Variants in TXNDC16 observed in about 807,000 individuals in gnomAD.
TXNDC16 encodes the protein thioredoxin domain containing 16.
A neutral mutation model predicts 85.6 loss-of-function variants in TXNDC16; 74 were observed. That is an observed-to-expected ratio of 0.86 (90% CI 0.72 to 1.05). The LOEUF is 1.05. Ranked by LOEUF, TXNDC16 falls within the 50% of genes least tolerant of loss-of-function variation. The pLI is 0.00. For synonymous variants in TXNDC16, 335 were observed against 326.5 expected (o/e 1.03, Z -0.28); for missense variants, 959 against 947.0 (o/e 1.01, Z -0.17).
rs116041697 is a variant in TXNDC16, at chr14:52,518,293, A to G, written c.514+879T>C. The stretch of plus-strand genomic sequence containing the variant: ...ATACTCCCAACATGAAATGCAGTCT[A>G]GTAATACCCAACTACCATACTCATA... On this transcript the variant is annotated intron_variant, in intron 7 of 20. Transcript: ENST00000281741. 3.3e-3 allele frequency among the ~76,000 whole-genome samples: 504 copies of G among 152,336 alleles called. 2 individuals are homozygous for G. Among genetic ancestry groups the G allele is most frequent in the African/African-American group, 0.011 (475 of 41,560 alleles).
In TXNDC16 at chr14:52,432,602, C is replaced by T. The variant is rs2034930203; in HGVS notation, c.2195-15G>A. The T allele has an allele frequency of 6.3e-7, 1 of 1,588,300 alleles. No homozygotes were observed. Among genetic ancestry groups the T allele is most frequent in the African/African-American group, 1.4e-5 (1 of 73,666 alleles). ...AGGTAAAATTGCTGGAAGGAAGAAA[C>T]AATCAAAGGTTAAAGATTAACAGCT... On this transcript the variant is annotated splice_polypyrimidine_tract_variant and intron_variant, in intron 20 of 20. Coordinates refer to ENST00000281741, the MANE Select transcript of TXNDC16 (RefSeq NM_020784.3).
intron 6 of TXNDC16, among the ~76,000 whole-genome samples, chr14:52,525,457 C>T (rs1033548102): frequency 4.7e-5 from 7 of 150,522 alleles, no homozygotes; most frequent in African/African-American, 1.7e-4. Context: ...TTTAGGAGGC[C>T]GAGGTGGGCG....
intron 13 of TXNDC16, 141 bp from the exon 14 acceptor site, chr14:52,482,430 T>A: frequency 1.4e-6 from 1 of 712,490 alleles, no homozygotes; most frequent in East Asian, 2.8e-5. Flanking sequence ...TTTCTCAACA[T>A]AGTCCAACCA....
intron 4 of TXNDC16, among the ~76,000 whole-genome samples, 172 bp from the exon 5 acceptor site, chr14:52,537,844 T>C (rs2037738956): frequency 6.6e-6 from 1 of 152,218 alleles, no homozygotes; most frequent in Non-Finnish European, 1.5e-5. Context: ...GTGCATGAGA[T>C]AACCCAAAGA....
chr14:52,465,062 T>C (rs1017090958), intron 16 of TXNDC16, among the ~76,000 whole-genome samples: 4 of 152,234 alleles, frequency 2.6e-5, no homozygotes, highest in Non-Finnish European at 5.9e-5. Context: ...TCGTTTTTAC[T>C]TTTTACAATT....
chr14:52,509,815 A>G (rs1462028884), intron 9 of TXNDC16, among the ~76,000 whole-genome samples: 2 of 151,584 alleles, frequency 1.3e-5, no homozygotes, highest in Non-Finnish European at 2.9e-5. Context: ...CATCTCTACT[A>G]AAAAATACAA....
At chr14:52,501,489 C>T (rs1399979586) in intron 9 of TXNDC16, among the ~76,000 whole-genome samples, 1 of 152,186 alleles carries the variant, frequency 6.6e-6, no homozygotes, top group African/African-American at 2.4e-5. Flanking sequence ...TGCAAAGCAT[C>T]TTACCAAACA....
chr14:52,493,909 T>G (rs915278018), intron 9 of TXNDC16, among the ~76,000 whole-genome samples: 15 of 151,910 alleles, frequency 9.9e-5, no homozygotes, highest in Admixed American at 9.8e-4. Flanking sequence ...CTCCACCAAA[T>G]AGCTGGGACT....
In TXNDC16 at chr14:52,490,388, A is replaced by T; in HGVS notation, c.984+3T>A. 1 of 1,588,458 alleles carries T rather than the reference A, an allele frequency of 6.3e-7. No individual in the cohort carries two copies. The highest frequency in any genetic ancestry group is 2.3e-5 in the East Asian group (1 of 43,750). On this transcript the variant is annotated splice_donor_region_variant and intron_variant, in intron 11 of 20. Coordinates refer to ENST00000281741, the MANE Select transcript of TXNDC16 (RefSeq NM_020784.3). The stretch of plus-strand genomic sequence containing the variant: ...TTGTAGAACAATACATAAAACAACT[A>T]ACCTCTTCTGCTCTTTTGAAGACCA...
chr14:52,482,755 G>T, intron 13 of TXNDC16, 67 bp downstream of exon 13: 1 of 1,445,596 alleles, frequency 6.9e-7, no homozygotes. Flanking sequence ...TACATGGAAT[G>T]CCAAAAATTA....
intron 16 of TXNDC16, among the ~76,000 whole-genome samples, chr14:52,464,427 CT>C: frequency 6.6e-6 from 1 of 152,166 alleles, no homozygotes; most frequent in South Asian, 2.1e-4. Context: ...CCTATTTGTG[CT>C]TTTTATGATC....
chr14:52,515,662 C>T lies in TXNDC16; in HGVS notation c.515-692G>A, dbSNP rs576498142. Among the ~76,000 whole-genome samples the T allele has an allele frequency of 4.4e-5, 6 of 137,414 alleles. No homozygotes were observed. The South Asian group carries it at 1.4e-3, about 33-fold the overall frequency. 90.1% of individuals were successfully genotyped at this position (137,414 alleles called of 152,430 possible). On this transcript the variant is annotated intron_variant, in intron 7 of 20. Coordinates refer to ENST00000281741, the MANE Select transcript of TXNDC16 (RefSeq NM_020784.3). ...TTTCTTTTATCTCAACTCTTTATTT[C>T]ATACATATGTGTGTGTGTGTGTGTG...
intron 12 of TXNDC16, among the ~76,000 whole-genome samples, chr14:52,485,791 G>GGCTACACCA (rs1403066821): frequency 2.0e-5 from 3 of 152,166 alleles, no homozygotes; most frequent in East Asian, 3.8e-4. Context: ...GTTTGTGTAA[G>GGCTACACCA]TGAACTTTAT....
intron 9 of TXNDC16, among the ~76,000 whole-genome samples, chr14:52,505,375 C>A (rs925319518): frequency 6.6e-6 from 1 of 152,158 alleles, no homozygotes; most frequent in Non-Finnish European, 1.5e-5. Context: ...TCTCTCAGAC[C>A]ACAGTGCAAT....
intron 6 of TXNDC16, among the ~76,000 whole-genome samples, chr14:52,533,168 C>A (rs931633289): frequency 5.3e-5 from 8 of 152,160 alleles, no homozygotes; most frequent in Non-Finnish European, 1.0e-4. Context: ...AGATGCCTGA[C>A]TGAGGCATGA....
chr14:52,488,628 T>C (rs901973551), intron 11 of TXNDC16, 142 bp from the exon 12 acceptor site: 2 of 570,528 alleles, frequency 3.5e-6, no homozygotes, highest in East Asian at 7.2e-5. Flanking sequence ...CTGAGGTCAG[T>C]AGTTCGAGAC....
At chr14:52,494,586 C>T (rs181091117) in intron 9 of TXNDC16, among the ~76,000 whole-genome samples, 2 of 151,812 alleles carry the variant, frequency 1.3e-5, no homozygotes, top group African/African-American at 4.8e-5. Flanking sequence ...ATTAGTAATT[C>T]AGTATTATAA....
chr14:52,538,542 A>G (rs1213017244), intron 4 of TXNDC16, among the ~76,000 whole-genome samples: 3 of 152,196 alleles, frequency 2.0e-5, no homozygotes, highest in African/African-American at 2.4e-5. Context: ...GTAAAGCCAA[A>G]AAGGACAGAA....
intron 9 of TXNDC16, among the ~76,000 whole-genome samples, chr14:52,507,542 T>C (rs1034689588): frequency 5.9e-5 from 9 of 152,292 alleles, no homozygotes; most frequent in Admixed American, 5.2e-4. Flanking sequence ...AATGACTTTC[T>C]TCACAGAATT....
Sources: allele counts gnomAD v4.1 joint callset (sites outside exome capture counted in the v4.1 genomes callset), GRCh38; gene constraint gnomAD v4.1.1; transcripts MANE v1.5; gene names NCBI Gene and HGNC (gene_info 2026-07-23, HGNC 2026-07-21).